The following OVCH1 variants were observed in gnomAD, a reference collection of about 807,000 sequenced individuals.
OVCH1 encodes ovochymase 1.
A neutral mutation model predicts 138.4 loss-of-function variants in OVCH1; 139 were observed. The ratio of observed to expected loss-of-function variants is 1.00; its 90% CI spans 0.87 to 1.16. OVCH1 has a LOEUF of 1.16. Ranked by LOEUF, OVCH1 falls within the 50% of genes most tolerant of loss-of-function variation. The probability of loss-of-function intolerance (pLI) is 0.00; values close to 1 mark genes in which losing one functional copy is unlikely to be tolerated. For synonymous variants in OVCH1, 453 were observed against 467.8 expected (o/e 0.97, Z 0.41); for missense variants, 1,367 against 1,357.9 (o/e 1.01, Z -0.11).
At chr12:29,441,263 A>G (rs1291398836) in intron 25 of OVCH1, among the ~76,000 whole-genome samples, 1 of 152,210 alleles carries the variant, frequency 6.6e-6, no homozygotes, top group Non-Finnish European at 1.5e-5. Flanking sequence ...CACTGGTACC[A>G]AAACAGAGAT....
chr12:29,458,334 CCATA>C (rs1465860777), intron 19 of OVCH1, among the ~76,000 whole-genome samples: 2 of 151,414 alleles, frequency 1.3e-5, no homozygotes, highest in Non-Finnish European at 2.9e-5. Context: ...GAAAAAAAAT[CCATA>C]CATCTACATT....
At chr12:29,491,286 A>G (rs1297857558) in intron 4 of OVCH1, 94 bp from the exon 5 acceptor site, 1 of 1,034,476 alleles carries the variant, frequency 9.7e-7, no homozygotes, top group African/African-American at 1.6e-5. Context: ...TGGCTTCTAC[A>G]CTTTCTTCCT....
chr12:29,465,127 C>G lies in OVCH1; in HGVS notation c.1929+20G>C. ...ACATTTAGATTACAGGCAGAATGAC[C>G]TGTAAAAACATTTTTTCACCTGCTC... On this transcript the variant is annotated intron_variant, in intron 17 of 27. Coordinates refer to ENST00000318184, the Ensembl canonical transcript of OVCH1. 6.3e-7 allele frequency: 1 copy of G among 1,577,136 alleles called. No homozygotes were observed. The highest frequency in any genetic ancestry group is 8.6e-7 in the Non-Finnish European group (1 of 1,159,380).
intron 19 of OVCH1, 176 bp downstream of exon 19, chr12:29,461,678 A>C: frequency 1.2e-6 from 1 of 839,414 alleles, no homozygotes; most frequent in African/African-American, 1.7e-5. Context: ...CTGACATCTC[A>C]GCAAATTCGG....
At chr12:29,479,983 CCAGCT>C (rs1313838252) in intron 8 of OVCH1, among the ~76,000 whole-genome samples, 1 of 151,810 alleles carries the variant, frequency 6.6e-6, no homozygotes, top group Non-Finnish European at 1.5e-5. Flanking sequence ...ACCACCATGC[CCAGCT>C]AACTTATGTA....
downstream of OVCH1, among the ~76,000 whole-genome samples, chr12:29,409,567 C>T (rs1282084634): frequency 6.6e-6 from 1 of 151,842 alleles, no homozygotes; most frequent in Non-Finnish European, 1.5e-5. Flanking sequence ...CGTTATGTAC[C>T]CAGTAGTCAT....
chr12:29,491,107 C>A (rs1202626063), exon 5 of OVCH1: 5 of 1,613,514 alleles, frequency 3.1e-6, no homozygotes, highest in Non-Finnish European at 4.2e-6. Flanking sequence ...TTTTGGAAAT[C>A]TTGCCCCATC....
intron 21 of OVCH1, 25 bp downstream of exon 21, chr12:29,454,816 A>G (rs1264660965): frequency 6.4e-7 from 1 of 1,570,288 alleles, no homozygotes. Flanking sequence ...GAAAGTATTA[A>G]TGGGATAATG....
rs199500557 is a variant in OVCH1 at position 29,464,674 on chromosome 12, T to G, written c.1958A>C (p.His653Pro). ...ATAACTTAGTGTGTTAAAGTCTTCATGCACTATTATGTGTTTGGCCCTTCT... is the reference window on the plus strand; with the variant it reads ...ATAACTTAGTGTGTTAAAGTCTTCAGGCACTATTATGTGTTTGGCCCTTCT... The change falls in exon 18 of 28, where the codon CAT becomes CCT. Residue 653 changes from histidine (H) to proline (P), a missense_variant. Coordinates refer to ENST00000318184, the Ensembl canonical transcript of OVCH1. 17 of 1,613,364 alleles carry G rather than the reference T, an allele frequency of 1.1e-5. No individual in the cohort carries two copies. In the East Asian group the frequency reaches 1.1e-4, roughly 11 times the overall value.
downstream of OVCH1, among the ~76,000 whole-genome samples, chr12:29,408,845 C>T (rs1200568710): frequency 6.6e-6 from 1 of 152,086 alleles, no homozygotes; most frequent in Non-Finnish European, 1.5e-5. Context: ...GGAGGATTCC[C>T]TCTTTTTCTA....
chr12:29,449,882 T>C (rs1941731778), intron 22 of OVCH1, among the ~76,000 whole-genome samples: 1 of 152,132 alleles, frequency 6.6e-6, no homozygotes, highest in Non-Finnish European at 1.5e-5. Flanking sequence ...CATCTGATCT[T>C]TGACAAACCT....
At chr12:29,449,619 T>C (rs1035763051) in intron 22 of OVCH1, among the ~76,000 whole-genome samples, 8 of 152,152 alleles carry the variant, frequency 5.3e-5, no homozygotes, top group Admixed American at 4.6e-4. Context: ...ATTATCTTTA[T>C]AGCAATTGTG....
At chr12:29,434,305 A>G (rs1204845799) in intron 26 of OVCH1, among the ~76,000 whole-genome samples, 1 of 152,190 alleles carries the variant, frequency 6.6e-6, no homozygotes, top group African/African-American at 2.4e-5. Flanking sequence ...GTATCCAGAA[A>G]AATAAAGAGT....
intron 3 of OVCH1, among the ~76,000 whole-genome samples, chr12:29,418,600 C>G (rs988281990): frequency 7.2e-5 from 11 of 152,162 alleles, no homozygotes; most frequent in Non-Finnish European, 1.6e-4. Flanking sequence ...GTTACCCATA[C>G]AGACCAAATT....
At chr12:29,453,931 T>C (rs887256380) in intron 21 of OVCH1, among the ~76,000 whole-genome samples, 1 of 152,200 alleles carries the variant, frequency 6.6e-6, no homozygotes, top group East Asian at 1.9e-4. Context: ...TAGTTCACTA[T>C]GTCATTTTCT....
At chr12:29,407,393 C>G in the OVCH1 span, among the ~76,000 whole-genome samples, 1 of 149,022 alleles carries the variant, frequency 6.7e-6, no homozygotes, top group South Asian at 2.2e-4. Context: ...TGCCTATGTA[C>G]TGAATGGTAT....
At chr12:29,409,901 A>G (rs1229520163), downstream of OVCH1, among the ~76,000 whole-genome samples, 3 of 152,208 alleles carry the variant, frequency 2.0e-5, no homozygotes, top group South Asian at 2.1e-4. Context: ...TACTGTTGAC[A>G]GTGGGGTGTT....
chr12:29,440,818 C>T (rs1941465606), intron 25 of OVCH1, 74 bp from the exon 26 acceptor site: 1 of 442,608 alleles, frequency 2.3e-6, no homozygotes, highest in Admixed American at 2.4e-5. Context: ...ATAAAAAAGA[C>T]AGCAGTTTAG....
At chr12:29,466,981 C>T (rs1942341896) in intron 16 of OVCH1, among the ~76,000 whole-genome samples, 1 of 152,188 alleles carries the variant, frequency 6.6e-6, no homozygotes. Context: ...ATTTTCTCCA[C>T]AGTCATAACC....
Sources: allele counts gnomAD v4.1 joint callset (sites outside exome capture counted in the v4.1 genomes callset), GRCh38; gene constraint gnomAD v4.1.1; transcripts MANE v1.5; gene names NCBI Gene and HGNC (gene_info 2026-07-23, HGNC 2026-07-21).